VGLL4: variants seen among roughly 807,000 people sequenced by gnomAD.
VGLL4 encodes the protein vestigial like family member 4, also known as transcription cofactor vestigial-like protein 4.
Under a neutral mutation model 21.0 loss-of-function variants are expected in VGLL4, and 7 were observed. That is an observed-to-expected ratio of 0.33 (90% CI 0.19 to 0.63). The LOEUF (loss-of-function observed/expected upper bound fraction) is 0.63. VGLL4 is among the 20% of genes least tolerant of loss of function. The pLI, the probability that VGLL4 is intolerant of heterozygous loss-of-function variation, is 0.78. For synonymous variants in VGLL4, 222 were observed against 173.2 expected, an observed-to-expected ratio of 1.28 and a Z score of -2.21; for missense variants, 394 against 425.7, an observed-to-expected ratio of 0.93 and a Z score of 0.66.
rs532225916 is a variant in VGLL4, at chr3:11,589,438, T to C, written c.272+12395A>G. On this transcript the variant is annotated intron_variant, in intron 2 of 4. Coordinates refer to ENST00000430365, the MANE Select transcript of VGLL4 (RefSeq NM_001128219.3). ...CCCAAGTCACGGAATTAAACACCATTTCATGTTCATACTTAAACTTTACAG... is the reference window on the plus strand; with the variant it reads ...CCCAAGTCACGGAATTAAACACCATCTCATGTTCATACTTAAACTTTACAG... 8.5e-5 allele frequency among the ~76,000 whole-genome samples: 13 copies of C among 152,246 alleles called. No homozygotes were observed. In the East Asian group the frequency reaches 1.5e-3, roughly 18 times the overall value.
At chr3:11,562,665 G>A (rs1056291066) in intron 3 of VGLL4, among the ~76,000 whole-genome samples, 1 of 152,258 alleles carries the variant, frequency 6.6e-6, no homozygotes, top group African/African-American at 2.4e-5. Context: ...CGCTGCCGCA[G>A]GAAGGAGCCC....
At chr3:11,595,595 A>C (rs2125253111) in intron 2 of VGLL4, among the ~76,000 whole-genome samples, 2 of 152,144 alleles carry the variant, frequency 1.3e-5, no homozygotes, top group Middle Eastern at 6.8e-3. Flanking sequence ...CCAAATGTCC[A>C]ACAATGATAG....
intron 1 of VGLL4, chr3:11,633,264 C>T (rs2075518187): frequency 2.0e-5 from 3 of 152,168 alleles, no homozygotes; most frequent in African/African-American, 7.2e-5. Flanking sequence ...CCTAGCCCTC[C>T]CAGAAATTAG....
chr3:11,631,528 AAGG>A (rs1215775673), intron 1 of VGLL4, among the ~76,000 whole-genome samples: 1 of 152,172 alleles, frequency 6.6e-6, no homozygotes, highest in African/African-American at 2.4e-5. Context: ...TGTCTGCCTT[AAGG>A]ATCTATACAT....
intron 2 of VGLL4, chr3:11,569,009 C>T: frequency 1.0e-6 from 1 of 976,150 alleles, no homozygotes; most frequent in Non-Finnish European, 1.3e-6. Flanking sequence ...CAGGACAGAG[C>T]TTTCTGAGTA....
Position 11,568,631 on chromosome 3 carries a change from G to C in VGLL4, c.273-3612C>G. The C allele has an allele frequency of 1.3e-6, 2 of 1,569,502 alleles. No individual in the cohort carries two copies. The highest frequency in any genetic ancestry group is 1.7e-6 in the Non-Finnish European group (2 of 1,155,512). ...TTTCCAGCTCATTTTCCTGGTTCCC[G>C]GAGCTTCAAGACAGACATTGTTTTC... On this transcript the variant is annotated intron_variant, in intron 2 of 4. Transcript: ENST00000430365. The surrounding 1 kb of genome is among the most constrained non-coding windows in gnomAD (Gnocchi z 5.9).
rs545453352 is a variant in VGLL4, at chr3:11,626,509, A to G, written c.82+16928T>C. On this transcript the variant is annotated intron_variant, in intron 1 of 4. Transcript: ENST00000430365. ...AAGATCTGGCAGAGCTGGAGATTTC[A>G]TTACCTTGAAAGGCAGTAATATTTG... The G allele has an allele frequency of 7.4e-4, 327 of 443,124 alleles. 1 individual carries two copies. The highest frequency in any genetic ancestry group is 6.2e-3 in the African/African-American group (307 of 49,520). The allele number at this position is 443,124 out of a possible 1,614,324, so 27.4% of individuals were successfully genotyped here. A position where few individuals can be genotyped will look rare whatever the true frequency, so the allele number is the denominator to read the frequency against.
intron 2 of VGLL4, among the ~76,000 whole-genome samples, chr3:11,673,033 C>G (rs948488656): frequency 7.2e-5 from 11 of 152,178 alleles, no homozygotes; most frequent in Admixed American, 7.2e-4. Flanking sequence ...ACTGGGGGTT[C>G]CACAAACAGT....
intron 2 of VGLL4, among the ~76,000 whole-genome samples, chr3:11,697,099 C>T (rs1383599070): frequency 6.6e-6 from 1 of 152,024 alleles, no homozygotes; most frequent in Non-Finnish European, 1.5e-5. Context: ...ATGAAGATCA[C>T]AATATGAAAT....
chr3:11,581,974 T>G (rs887513370), intron 2 of VGLL4, among the ~76,000 whole-genome samples: 4 of 152,184 alleles, frequency 2.6e-5, no homozygotes, highest in Non-Finnish European at 5.9e-5. Flanking sequence ...CAATCACTAG[T>G]GTGCCTTAAC....
chr3:11,642,750 C>A (rs1440381772), intron 1 of VGLL4, among the ~76,000 whole-genome samples: 1 of 152,168 alleles, frequency 6.6e-6, no homozygotes, highest in African/African-American at 2.4e-5. Flanking sequence ...AATAACAGTT[C>A]GGCGCGGCTC....
At chr3:11,678,482 G>C (rs1379129544) in intron 2 of VGLL4, among the ~76,000 whole-genome samples, 1 of 152,232 alleles carries the variant, frequency 6.6e-6, no homozygotes. Flanking sequence ...CTTTCTGCAG[G>C]AACGCCACTC....
intron 2 of VGLL4, among the ~76,000 whole-genome samples, chr3:11,576,629 T>G (rs2074055149): frequency 6.6e-6 from 1 of 152,186 alleles, no homozygotes; most frequent in Non-Finnish European, 1.5e-5. Context: ...AGGCGAGGAC[T>G]AGAGGGAGGG....
intron 2 of VGLL4, among the ~76,000 whole-genome samples, chr3:11,583,497 TAAAAGC>T (rs1311808875): frequency 6.6e-5 from 10 of 152,168 alleles, no homozygotes; most frequent in African/African-American, 2.4e-4. Flanking sequence ...AATGGTTAAA[TAAAAGC>T]AGAATTTAAA....
intron 2 of VGLL4, among the ~76,000 whole-genome samples, chr3:11,572,954 G>A (rs1395551655): frequency 6.6e-6 from 1 of 152,002 alleles, no homozygotes; most frequent in Admixed American, 6.6e-5. Context: ...GATCACCTGA[G>A]GTCAGGAGTT....
intron 2 of VGLL4, among the ~76,000 whole-genome samples, chr3:11,587,723 A>C (rs1238316164): frequency 6.6e-6 from 1 of 152,184 alleles, no homozygotes; most frequent in Non-Finnish European, 1.5e-5. Context: ...TGTGAGACTC[A>C]ACCCAAATGC....
chr3:11,707,327 CAAAAA>C (rs34222383), intron 1 of VGLL4, among the ~76,000 whole-genome samples: 1 of 43,028 alleles, frequency 2.3e-5, no homozygotes. Context: ...GACCCTGCCT[CAAAAA>C]AAAAAAAAAA....
At chr3:11,626,165 C>A (rs1030108228) in intron 1 of VGLL4, among the ~76,000 whole-genome samples, 1 of 152,174 alleles carries the variant, frequency 6.6e-6, no homozygotes, top group Non-Finnish European at 1.5e-5. Context: ...TTTCACCTTT[C>A]CAAGAATCTC....
At chr3:11,693,369 A>G (rs2076559680) in intron 2 of VGLL4, among the ~76,000 whole-genome samples, 1 of 152,124 alleles carries the variant, frequency 6.6e-6, no homozygotes, top group African/African-American at 2.4e-5. Context: ...AATGTTTACT[A>G]AATGCCCACC....
Sources: gnomAD v4.1 joint callset for allele counts (sites outside exome capture counted in the v4.1 genomes callset) on GRCh38, gnomAD v4.1.1 for gene constraint, Gnocchi (gnomAD v3.1) non-coding constraint, MANE v1.5 for transcripts, NCBI Gene and HGNC (gene_info 2026-07-23, HGNC 2026-07-21) for gene names.